The following ABCC1 variants were observed in gnomAD, a reference collection of about 807,000 sequenced individuals.
ABCC1 encodes the protein multidrug resistance-associated protein 1.
Under a neutral mutation model 172.9 loss-of-function variants are expected in ABCC1, and 83 were observed. That is an observed-to-expected ratio of 0.48 (90% CI 0.40 to 0.58). The LOEUF (loss-of-function observed/expected upper bound fraction) is 0.58. Ranked by LOEUF, ABCC1 falls within the 20% of genes least tolerant of loss-of-function variation. The pLI is 0.00. For synonymous variants in ABCC1, 937 were observed against 825.2 expected (o/e 1.14, Z -2.32); for missense variants, 1,817 against 2,002.7 (o/e 0.91, Z 1.77).
rs1280269418 is a variant in ABCC1, at chr16:16,141,211, G to T, written c.4526G>T (p.Gly1509Val). 1 of 1,613,840 alleles carries T rather than the reference G, an allele frequency of 6.2e-7. No homozygotes were observed. Among genetic ancestry groups the T allele is most frequent in the African/African-American group, 1.3e-5 (1 of 74,876 alleles). Reference protein sequence around the residue: ...VLDKGEIQEYGAPSDLLQQRG... With the variant: ...VLDKGEIQEYVAPSDLLQQRG... ...GACAAAGGAGAAATCCAGGAGTACG[G>T]CGCCCCATCGGACCTCCTGCAGCAG... Residue 1509 changes from glycine to valine, a missense_variant, in exon 31 of 31, where the codon GGC becomes GTC. By Grantham distance (109) the Gly-to-Val change is moderately radical (BLOSUM62 -3). Coordinates refer to ENST00000399410, the MANE Select transcript of ABCC1 (RefSeq NM_004996.4).
chr16:16,039,970 G>A (rs2048910050), intron 7 of ABCC1, among the ~76,000 whole-genome samples: 1 of 152,150 alleles, frequency 6.6e-6, no homozygotes, highest in African/African-American at 2.4e-5. Context: ...TCTCCTCTGA[G>A]AGTTAAGGTG....
At chr16:16,049,398 C>T (rs184942614) in intron 10 of ABCC1, among the ~76,000 whole-genome samples, 77 of 152,310 alleles carry the variant, frequency 5.1e-4, no homozygotes, top group African/African-American at 1.8e-3. Flanking sequence ...ATGTGATTGA[C>T]AGCCCTTCCA....
chr16:16,066,073 A>T (rs73517977), intron 12 of ABCC1, among the ~76,000 whole-genome samples: 3,632 of 152,210 alleles, frequency 0.024, 155 homozygotes, highest in African/African-American at 0.083. Context: ...TTGCTCCCCA[A>T]ATCTTCCATT....
chr16:16,111,145 C>T (rs760032121), intron 21 of ABCC1, among the ~76,000 whole-genome samples: 9 of 152,160 alleles, frequency 5.9e-5, no homozygotes, highest in African/African-American at 9.7e-5. Flanking sequence ...TTGATCTGCC[C>T]GCCTCAGCCT....
chr16:16,011,642 C>T (rs1027856754), intron 3 of ABCC1, among the ~76,000 whole-genome samples: 3 of 151,902 alleles, frequency 2.0e-5, no homozygotes, highest in African/African-American at 7.3e-5. Flanking sequence ...CCAACATGCC[C>T]ATCTACATTT....
chr16:16,016,672 C>A, intron 5 of ABCC1, 51 bp downstream of exon 5: 1 of 1,606,238 alleles, frequency 6.2e-7, no homozygotes, highest in Non-Finnish European at 8.5e-7. Context: ...GAGAGAGATG[C>A]GTGACACAGT....
intron 5 of ABCC1, among the ~76,000 whole-genome samples, chr16:16,031,924 C>T (rs1005944952): frequency 4.6e-5 from 5 of 107,702 alleles, no homozygotes; most frequent in South Asian, 2.8e-4. Flanking sequence ...CTCACTCCAC[C>T]GCTTTTAGCT....
chr16:16,001,302 C>T (rs4780584), intron 1 of ABCC1, among the ~76,000 whole-genome samples: 78,580 of 151,860 alleles, frequency 0.52, 20,838 homozygotes, highest in Non-Finnish European at 0.59. Flanking sequence ...AGCTCTGCCT[C>T]CCGGGTGCAC....
At chr16:16,026,724 T>A (rs1427657001) in intron 5 of ABCC1, among the ~76,000 whole-genome samples, 35 of 151,958 alleles carry the variant, frequency 2.3e-4, no homozygotes, top group Admixed American at 2.3e-3. Flanking sequence ...GAGACCAGCC[T>A]AGCCAACATG....
intron 3 of ABCC1, among the ~76,000 whole-genome samples, chr16:16,011,660 A>T (rs770295237): frequency 1.2e-4 from 18 of 150,832 alleles, no homozygotes; most frequent in African/African-American, 4.4e-4. Context: ...TTTATTTTTT[A>T]TTTATTTATT....
At chr16:15,984,745 A>G (rs2046706270) in intron 1 of ABCC1, among the ~76,000 whole-genome samples, 1 of 152,150 alleles carries the variant, frequency 6.6e-6, no homozygotes, top group Admixed American at 6.5e-5. Flanking sequence ...CGCCCGGCCT[A>G]TATATGTATT....
chr16:15,994,711 C>T (rs1472992815), intron 1 of ABCC1, among the ~76,000 whole-genome samples: 1 of 151,982 alleles, frequency 6.6e-6, no homozygotes, highest in African/African-American at 2.4e-5. Flanking sequence ...CCTTCCTCTC[C>T]CTGGTTTCAG....
At chr16:15,999,832 CTG>C (rs1472317254) in intron 1 of ABCC1, among the ~76,000 whole-genome samples, 9 of 10,864 alleles carry the variant, frequency 8.3e-4, no homozygotes, top group African/African-American at 1.9e-3. Flanking sequence ...CTCTCTCTCT[CTG>C]TCTCTTTCTT....
rs764811054 is a variant in ABCC1, at chr16:16,086,874, C to T, written c.2343C>T (p.Ala781=). 5 of 1,614,072 alleles carry T rather than the reference C, an allele frequency of 3.1e-6. No individual in the cohort carries two copies. Among genetic ancestry groups the T allele is most frequent in the Middle Eastern group, 1.6e-4 (1 of 6,068 alleles). Residue 781 remains alanine, a synonymous_variant, in exon 18 of 31, where the codon GCC becomes GCT. Coordinates refer to ENST00000399410, the MANE Select transcript of ABCC1 (RefSeq NM_004996.4). Reference sequence around the variant, plus strand: ...AGCAGCGCGTGAGCCTGGCCCGGGCCGTGTACTCCAACGCTGACATTTACC... The same window carrying T: ...AGCAGCGCGTGAGCCTGGCCCGGGCTGTGTACTCCAACGCTGACATTTACC... The part of the protein sequence containing the change: ...GQKQRVSLAR[A]VYSNADIYLF...
chr16:16,051,871 C>G (rs1261499668), intron 10 of ABCC1, among the ~76,000 whole-genome samples: 2 of 152,192 alleles, frequency 1.3e-5, no homozygotes. Context: ...TTGTAAGCAG[C>G]CTTCAAGCAG....
Position 16,097,402 on chromosome 16 carries a change from C to T in ABCC1, c.2645-5225C>T, listed in dbSNP as rs115215588. Among the ~76,000 whole-genome samples the T allele has an allele frequency of 2.2e-3, 329 of 152,314 alleles. 3 individuals are homozygous for T. Among genetic ancestry groups the T allele is most frequent in the African/African-American group, 7.1e-3 (294 of 41,568 alleles). On this transcript the variant is annotated intron_variant, in intron 19 of 30. Transcript: ENST00000399410. The stretch of plus-strand genomic sequence containing the variant: ...TGCTGGGATTACAGGCATGAGCCAT[C>T]GTGCCCGGCTGCTCTGAGGGCTTTT...
chr16:16,008,943 T>TGG (rs1555481061), intron 2 of ABCC1, among the ~76,000 whole-genome samples: 10 of 145,874 alleles, frequency 6.9e-5, no homozygotes, highest in African/African-American at 2.0e-4. Flanking sequence ...TTTTTTTTTT[T>TGG]TTGTTGTTGT....
At chr16:16,105,652 T>C (rs937079955) in intron 20 of ABCC1, among the ~76,000 whole-genome samples, 2 of 152,054 alleles carry the variant, frequency 1.3e-5, no homozygotes, top group African/African-American at 2.4e-5. Context: ...TATAGAAATT[T>C]CCACGGCAGT....
chr16:15,992,247 A>C lies in ABCC1; in HGVS notation c.49-15569A>C, dbSNP rs45542231. ...AACTCAGGGCTCCCACCGATTCTAC[A>C]TAATGGTGAGTTGTATAATTATTTC... is the stretch of plus-strand genomic sequence containing the variant. On this transcript the variant is annotated intron_variant, in intron 1 of 30. Coordinates refer to ENST00000399410, the MANE Select transcript of ABCC1 (RefSeq NM_004996.4). 2.8e-3 allele frequency among the ~76,000 whole-genome samples: 433 copies of C among 152,134 alleles called. 2 individuals are homozygous for C. Among genetic ancestry groups the C allele is most frequent in the Non-Finnish European group, 5.1e-3 (345 of 67,998 alleles).
Sources: allele counts gnomAD v4.1 joint callset (sites outside exome capture counted in the v4.1 genomes callset), GRCh38; gene constraint gnomAD v4.1.1; transcripts MANE v1.5; gene names NCBI Gene and HGNC (gene_info 2026-07-23, HGNC 2026-07-21).